The following LRRIQ1 variants were observed in gnomAD, a reference collection of about 807,000 sequenced individuals.
LRRIQ1 encodes the protein leucine rich repeats and IQ motif containing 1, also known as leucine-rich repeat- and IQ domain-containing protein 1.
A neutral mutation model predicts 211.9 loss-of-function variants in LRRIQ1; 210 were observed. The observed-to-expected ratio is 0.99, with a 90% confidence interval of 0.89 to 1.11. LRRIQ1 has a LOEUF of 1.11. Among genes scored for constraint, LRRIQ1 ranks in the 50% most tolerant of loss-of-function variants. The probability of loss-of-function intolerance (pLI) is 0.00; values close to 1 mark genes in which losing one functional copy is unlikely to be tolerated. For synonymous variants in LRRIQ1, 699 were observed against 650.1 expected (o/e 1.08, Z -1.14); for missense variants, 2,136 against 1,939.5 (o/e 1.10, Z -1.90).
intron 24 of LRRIQ1, among the ~76,000 whole-genome samples, chr12:85,212,407 A>T (rs1419030964): frequency 1.3e-5 from 2 of 152,150 alleles, no homozygotes; most frequent in African/African-American, 4.8e-5. Context: ...TATTCAAGAG[A>T]AATACGTTTT....
At chr12:85,212,518 C>G (rs960846511) in intron 24 of LRRIQ1, among the ~76,000 whole-genome samples, 5 of 151,384 alleles carry the variant, frequency 3.3e-5, no homozygotes, top group Non-Finnish European at 5.9e-5. Context: ...TTGGTGAAAT[C>G]AAGCATAAAT....
At chr12:85,054,344 C>T (rs1202896255) in intron 7 of LRRIQ1, among the ~76,000 whole-genome samples, 2 of 152,152 alleles carry the variant, frequency 1.3e-5, no homozygotes, top group African/African-American at 2.4e-5. Context: ...AAAAGACACA[C>T]CACCTAAAAA....
At chr12:85,083,301 A>G (rs1884484606) in intron 11 of LRRIQ1, among the ~76,000 whole-genome samples, 1 of 152,114 alleles carries the variant, frequency 6.6e-6, no homozygotes, top group Non-Finnish European at 1.5e-5. Flanking sequence ...AGATTTTTGA[A>G]TGAGAATTCA....
Position 85,192,638 on chromosome 12 carries a change from A to C in LRRIQ1, c.4822+31924A>C, listed in dbSNP as rs1467610137. 8.9e-5 allele frequency among the ~76,000 whole-genome samples: 9 copies of C among 101,448 alleles called. 1 individual carries two copies. The South Asian group carries it at 2.2e-3, about 25-fold the overall frequency. 66.6% of individuals were successfully genotyped at this position (101,448 alleles called of 152,430 possible). ...ATACTATAATTATAAATAAATATAT[A>C]TAGTTATATACTATAATTATAAATA... On this transcript the variant is annotated intron_variant, in intron 24 of 26. Transcript: ENST00000393217.
chr12:85,045,344 C>T (rs1473042778), intron 4 of LRRIQ1, among the ~76,000 whole-genome samples: 1 of 151,732 alleles, frequency 6.6e-6, no homozygotes, highest in Admixed American at 6.6e-5. Flanking sequence ...TGACTTTTAC[C>T]TCTCATTTTA....
chr12:85,109,308 A>G (rs1280609546), intron 15 of LRRIQ1, among the ~76,000 whole-genome samples: 3 of 152,138 alleles, frequency 2.0e-5, no homozygotes, highest in African/African-American at 7.2e-5. Context: ...AGAAGGTAGA[A>G]GCATTTTTAC....
chr12:85,198,083 T>G (rs866401465), intron 24 of LRRIQ1, among the ~76,000 whole-genome samples: 1 of 110,254 alleles, frequency 9.1e-6, no homozygotes, highest in Non-Finnish European at 1.7e-5. Flanking sequence ...TATATATAAT[T>G]TATTATATTA....
chr12:85,261,576 C>A (rs758357091), intron 1 of LRRIQ1, among the ~76,000 whole-genome samples: 62 of 151,136 alleles, frequency 4.1e-4, no homozygotes, highest in Non-Finnish European at 7.8e-4. Context: ...TCTAACCTTA[C>A]TTAAGCACGA....
chr12:85,153,762 T>G lies in LRRIQ1; in HGVS notation c.4637+4T>G. On this transcript the variant is annotated splice_donor_region_variant and intron_variant, in intron 22 of 26. Coordinates refer to ENST00000393217, the MANE Select transcript of LRRIQ1 (RefSeq NM_001079910.2). ...AAAAAAAAATTTCAGAAGAATGGTATGTAGTCAATTTGACACTAATAAATT... is the reference window on the plus strand; with the variant it reads ...AAAAAAAAATTTCAGAAGAATGGTAGGTAGTCAATTTGACACTAATAAATT... 6.7e-7 allele frequency: 1 copy of G among 1,500,142 alleles called. No homozygotes were observed. The highest frequency in any genetic ancestry group is 9.0e-7 in the Non-Finnish European group (1 of 1,106,534). The allele number at this position is 1,500,142 out of a possible 1,614,324, so 92.9% of individuals were successfully genotyped here. A position where few individuals can be genotyped will look rare whatever the true frequency, so the allele number is the denominator to read the frequency against.
chr12:85,142,622 A>C (rs1486353444), intron 19 of LRRIQ1, among the ~76,000 whole-genome samples: 1 of 150,910 alleles, frequency 6.6e-6, no homozygotes, highest in Non-Finnish European at 1.5e-5. Context: ...CGCCACCACC[A>C]CCCCCACTGA....
intron 24 of LRRIQ1, among the ~76,000 whole-genome samples, chr12:85,162,421 A>G (rs974314176): frequency 1.3e-5 from 2 of 152,156 alleles, no homozygotes; most frequent in Non-Finnish European, 2.9e-5. Context: ...GATATTGTTT[A>G]TTAAATAGGA....
intron 18 of LRRIQ1, among the ~76,000 whole-genome samples, chr12:85,129,238 T>A (rs934294704): frequency 4.6e-5 from 7 of 152,186 alleles, no homozygotes; most frequent in African/African-American, 1.7e-4. Context: ...CAGGAATTGT[T>A]CTAGGCTCGG....
intron 1 of LRRIQ1, among the ~76,000 whole-genome samples, chr12:85,253,376 A>G (rs1478260683): frequency 1.3e-5 from 2 of 152,086 alleles, no homozygotes; most frequent in Non-Finnish European, 2.9e-5. Flanking sequence ...GACTACTCAC[A>G]CAAGATTCAT....
intron 1 of LRRIQ1, among the ~76,000 whole-genome samples, chr12:85,255,550 T>A (rs1469558994): frequency 6.6e-6 from 1 of 151,840 alleles, no homozygotes; most frequent in East Asian, 1.9e-4. Context: ...AATCCTCTTT[T>A]GCTTTTTATC....
intron 23 of LRRIQ1, among the ~76,000 whole-genome samples, chr12:85,155,114 A>G (rs142310289): frequency 1.6e-4 from 25 of 151,606 alleles, no homozygotes; most frequent in African/African-American, 4.8e-4. Flanking sequence ...AGCCATTGAT[A>G]AGTTACTGGT....
chr12:85,228,956 A>G (rs1894801943), intron 24 of LRRIQ1, among the ~76,000 whole-genome samples: 1 of 152,168 alleles, frequency 6.6e-6, no homozygotes, highest in African/African-American at 2.4e-5. Context: ...CTAAACCAAA[A>G]ATGGAGCAGT....
Position 85,056,713 on chromosome 12 carries a change from A to C in LRRIQ1, c.1920A>C (p.Lys640Asn), listed in dbSNP as rs1881133090. 6.2e-7 allele frequency: 1 copy of C among 1,607,628 alleles called. No homozygotes were observed. The highest frequency in any genetic ancestry group is 8.5e-7 in the Non-Finnish European group (1 of 1,178,274). Residue 640 changes from lysine (K) to asparagine (N), a missense_variant, in exon 8 of 27, where the codon AAA becomes AAC. Coordinates refer to ENST00000393217, the MANE Select transcript of LRRIQ1 (RefSeq NM_001079910.2). ...AAAAAGAAATTTATTCAAAATCCAA[A>C]GAAATTGAGGAGAACCCAAAAGACA... is the stretch of plus-strand genomic sequence containing the variant. ...LQEKEIYSKSKEIEENPKDNA... is the reference protein window; with the variant it reads ...LQEKEIYSKSNEIEENPKDNA...
downstream of LRRIQ1, among the ~76,000 whole-genome samples, chr12:85,267,593 G>A (rs1379869999): frequency 6.6e-6 from 1 of 152,040 alleles, no homozygotes; most frequent in African/African-American, 2.4e-5. Flanking sequence ...TCATGTATCA[G>A]TGGAAAATTA....
At chr12:85,135,370 T>C (rs1889051515) in intron 18 of LRRIQ1, among the ~76,000 whole-genome samples, 1 of 151,878 alleles carries the variant, frequency 6.6e-6, no homozygotes, top group South Asian at 2.1e-4. Flanking sequence ...AAAAATGAGA[T>C]ACATAGTATC....
Sources: gnomAD v4.1 joint callset for allele counts (sites outside exome capture counted in the v4.1 genomes callset) on GRCh38, gnomAD v4.1.1 for gene constraint, MANE v1.5 for transcripts, NCBI Gene and HGNC (gene_info 2026-07-23, HGNC 2026-07-21) for gene names.